Variants in METTL15 observed in about 807,000 individuals in gnomAD.
The protein encoded by METTL15 is methyltransferase 15, mitochondrial 12S rRNA N4-cytidine.
In METTL15, 34 loss-of-function variants were observed where a neutral mutation model predicts 38.3. The observed-to-expected ratio is 0.89, with a 90% confidence interval of 0.68 to 1.18. The LOEUF is 1.18. Ranked by LOEUF, METTL15 falls within the 50% of genes most tolerant of loss-of-function variation. The probability of loss-of-function intolerance (pLI) is 0.00; values close to 1 mark genes in which losing one functional copy is unlikely to be tolerated. For missense variants in METTL15, 438 were observed against 498.4 expected (o/e 0.88, Z 1.15); for synonymous variants, 162 against 170.9 (o/e 0.95, Z 0.41).
At chr11:28,508,736 T>C (rs1226756355) in intron 6 of METTL15, among the ~76,000 whole-genome samples, 1 of 152,226 alleles carries the variant, frequency 6.6e-6, no homozygotes, top group Non-Finnish European at 1.5e-5. Context: ...TTACTCTGGC[T>C]TTGGGGGATG....
intron 4 of METTL15, among the ~76,000 whole-genome samples, chr11:28,215,942 T>C (rs969374216): frequency 1.3e-5 from 2 of 151,982 alleles, no homozygotes; most frequent in African/African-American, 4.8e-5. Flanking sequence ...GAGGTTGAGA[T>C]TGCAGTGAGC....
At chr11:28,158,926 G>A (rs1337833042) in intron 3 of METTL15, among the ~76,000 whole-genome samples, 6 of 152,124 alleles carry the variant, frequency 3.9e-5, no homozygotes, top group Admixed American at 6.6e-5. Context: ...CTGAATCAGC[G>A]TCCAATATAT....
chr11:28,456,465 G>C (rs1851170321), intron 6 of METTL15, among the ~76,000 whole-genome samples: 1 of 151,164 alleles, frequency 6.6e-6, no homozygotes, highest in Non-Finnish European at 1.5e-5. Context: ...GTTTTGTTTT[G>C]AGGCAGATCT....
chr11:28,291,049 T>TC (rs1856492459), intron 5 of METTL15, among the ~76,000 whole-genome samples: 1 of 131,018 alleles, frequency 7.6e-6, no homozygotes, highest in Non-Finnish European at 1.6e-5. Context: ...ATAATTCTTT[T>TC]CTTTTTTTTT....
intron 4 of METTL15, among the ~76,000 whole-genome samples, chr11:28,211,857 A>C (rs1356704134): frequency 6.6e-6 from 1 of 152,024 alleles, no homozygotes. Context: ...AAATACATAA[A>C]GGGCTGTTTT....
intron 5 of METTL15, among the ~76,000 whole-genome samples, chr11:28,374,726 G>A (rs543560255): frequency 4.0e-4 from 61 of 151,482 alleles, no homozygotes; most frequent in African/African-American, 1.4e-3. Context: ...GTGAGAGAGG[G>A]CATCCCTGTC....
intron 5 of METTL15, among the ~76,000 whole-genome samples, chr11:28,376,787 G>A (rs2133380606): frequency 6.6e-6 from 1 of 150,726 alleles, no homozygotes; most frequent in Admixed American, 6.7e-5. Flanking sequence ...TGACTTTGCA[G>A]CGGCTGGTAC....
At chr11:28,446,109 A>G (rs887597827) in intron 6 of METTL15, among the ~76,000 whole-genome samples, 1 of 152,096 alleles carries the variant, frequency 6.6e-6, no homozygotes, top group Non-Finnish European at 1.5e-5. Context: ...GGATATGTGG[A>G]GCATCTGTAA....
chr11:28,348,994 A>T (rs951070067), intron 3 of METTL15, among the ~76,000 whole-genome samples: 1 of 152,168 alleles, frequency 6.6e-6, no homozygotes, highest in Non-Finnish European at 1.5e-5. Context: ...ATTTCAAATG[A>T]AGATATGAGC....
At position 28,330,755 on chromosome 11, in the gene METTL15, A is replaced by T. The variant is rs1849792574; in HGVS notation, c.1138A>T (p.Lys380Ter). ...RAPLMWELIH[K>*]KVLSPQDQDV... The stretch of plus-strand genomic sequence containing the variant: ...TCCTTTAATGTGGGAATTGATACAC[A>T]AGAAGGTACTTAGTCCACAAGATCA... The change falls in exon 7 of 7, where the codon AAG becomes TAG. Residue 380 changes from lysine (K) to a stop codon, truncating the protein, a stop_gained. Transcript: ENST00000407364. LOFTEE classifies it high-confidence loss of function. 3.9e-6 allele frequency: 6 copies of T among 1,551,676 alleles called. No homozygotes were observed. The highest frequency in any genetic ancestry group is 2.0e-5 in the Admixed American group (1 of 50,978).
At chr11:28,210,428 A>G (rs1396863948) in intron 3 of METTL15, among the ~76,000 whole-genome samples, 1 of 151,830 alleles carries the variant, frequency 6.6e-6, no homozygotes, top group Non-Finnish European at 1.5e-5. Context: ...TATCCCAAAG[A>G]CATAGATACT....
chr11:28,395,719 C>T (rs12279675), intron 5 of METTL15, among the ~76,000 whole-genome samples: 4,077 of 152,142 alleles, frequency 0.027, 80 homozygotes, highest in African/African-American at 0.053. Context: ...CAATACAAAA[C>T]GAGAGAATCC....
At chr11:28,170,077 T>A (rs1850802288) in intron 3 of METTL15, among the ~76,000 whole-genome samples, 1 of 152,052 alleles carries the variant, frequency 6.6e-6, no homozygotes. Flanking sequence ...TTTGGGAGAT[T>A]CTAAATTTTA....
At chr11:28,460,434 G>A (rs556990195) in intron 6 of METTL15, among the ~76,000 whole-genome samples, 9 of 152,142 alleles carry the variant, frequency 5.9e-5, no homozygotes, top group African/African-American at 2.2e-4. Flanking sequence ...AGAACTGGAT[G>A]ATCTGTATTA....
At chr11:28,353,703 A>G (rs1390626269) in intron 4 of METTL15, among the ~76,000 whole-genome samples, 1 of 151,928 alleles carries the variant, frequency 6.6e-6, no homozygotes, top group Non-Finnish European at 1.5e-5. Context: ...AGGCGGGTGG[A>G]TCATGAGGTC....
chr11:28,219,932 G>C lies in METTL15; in HGVS notation c.407+8734G>C, dbSNP rs146129738. Among the ~76,000 whole-genome samples, 23 of 152,094 alleles carry C rather than the reference G, an allele frequency of 1.5e-4. 1 individual carries two copies. The highest frequency in any genetic ancestry group is 5.1e-4 in the African/African-American group (21 of 41,402). On this transcript the variant is annotated intron_variant, in intron 4 of 6. Transcript: ENST00000407364. ...TGCACTATGGTCTGAGAGACAGTTC[G>C]TTATAATTTCTGTTCTTTAACATTT...
intron 4 of METTL15, among the ~76,000 whole-genome samples, chr11:28,286,106 T>G (rs1404782333): frequency 6.6e-6 from 1 of 152,152 alleles, no homozygotes; most frequent in Non-Finnish European, 1.5e-5. Context: ...CTCACCTGAT[T>G]GTGGGGTCTG....
At chr11:28,485,604 T>G (rs2133476872) in intron 6 of METTL15, among the ~76,000 whole-genome samples, 1 of 152,244 alleles carries the variant, frequency 6.6e-6, no homozygotes, top group Admixed American at 6.5e-5. Flanking sequence ...TGGAGCAGGT[T>G]ATGGGGAGGA....
chr11:28,354,469 G>T (rs1191848507), intron 4 of METTL15, among the ~76,000 whole-genome samples: 1 of 152,146 alleles, frequency 6.6e-6, no homozygotes, highest in East Asian at 1.9e-4. Flanking sequence ...TGAGAGATTG[G>T]ATGTCGTTTT....
Sources: allele counts gnomAD v4.1 joint callset (sites outside exome capture counted in the v4.1 genomes callset), GRCh38; gene constraint gnomAD v4.1.1; transcripts MANE v1.5; gene names NCBI Gene and HGNC (gene_info 2026-07-23, HGNC 2026-07-21).